PNPLA4: variants seen among roughly 807,000 people sequenced by gnomAD.
The protein encoded by PNPLA4 is patatin-like phospholipase domain-containing protein 4.
A neutral mutation model predicts 18.3 loss-of-function variants in PNPLA4; 15 were observed. The observed-to-expected ratio is 0.82, with a 90% CI of 0.55 to 1.26. PNPLA4 has a LOEUF of 1.26. Ranked by LOEUF, PNPLA4 falls within the 50% of genes most tolerant of loss-of-function variation. The probability of loss-of-function intolerance (pLI) is 0.00; values close to 1 mark genes in which losing one functional copy is unlikely to be tolerated. For missense variants in PNPLA4, 229 were observed against 196.8 expected (o/e 1.16, Z -0.98); for synonymous variants, 88 against 85.6 (o/e 1.03, Z -0.16).
chrX:7,902,871 G>C (rs1253064535), intron 5 of PNPLA4, among the ~76,000 whole-genome samples: 1 of 111,926 alleles, frequency 8.9e-6, no homozygotes, highest in Non-Finnish European at 1.9e-5. Context: ...GAACCACACA[G>C]ACAATATTCC....
At position 7,922,087 on chromosome X, in the gene PNPLA4, T is replaced by C; in HGVS notation, c.192A>G (p.Gln64=). The C allele has an allele frequency of 8.4e-7, 1 of 1,191,051 alleles. No individual in the cohort carries two copies. The change falls in exon 3 of 7, where the codon CAA becomes CAG. Residue 64 remains glutamine (Q), a synonymous_variant. Transcript: ENST00000381042. ...TAPEKIEECN[Q]FTYKFAEEIR... Reference sequence around the variant, plus strand: ...TTTCTTCGGCAAACTTGTAGGTAAATTGGTTACATTCCTAAAAAAAGAAAA... The same window carrying C: ...TTTCTTCGGCAAACTTGTAGGTAAACTGGTTACATTCCTAAAAAAAGAAAA...
chrX:7,899,442 A>G lies in PNPLA4; in HGVS notation c.*1244T>C, dbSNP rs1157770830. 9.0e-6 allele frequency: 1 copy of G among 110,677 alleles called. No individual in the cohort carries two copies. The allele number at this position is 110,677 out of a possible 1,213,427, so 9.1% of individuals were successfully genotyped here. A position where few individuals can be genotyped will look rare whatever the true frequency, so the allele number is the denominator to read the frequency against. ...TCAAAGTGATGGACAACTACTCAGA[A>G]AGTAAAAAACCTGGGATCAGTACAA... is the stretch of plus-strand genomic sequence containing the variant. On this transcript the variant is annotated 3_prime_UTR_variant, in exon 7 of 7. Coordinates refer to ENST00000381042, the MANE Select transcript of PNPLA4 (RefSeq NM_004650.3).
intron 5 of PNPLA4, among the ~76,000 whole-genome samples, chrX:7,909,774 A>G (rs1045062537): frequency 4.5e-5 from 5 of 110,717 alleles, no homozygotes; most frequent in African/African-American, 1.6e-4. Context: ...ATGGAAAGAT[A>G]TACAACTTTC....
At chrX:7,913,690 G>A (rs1235550724) in intron 4 of PNPLA4, among the ~76,000 whole-genome samples, 2 of 112,929 alleles carry the variant, frequency 1.8e-5, no homozygotes, top group Admixed American at 9.3e-5. Context: ...CAGAAAGTAT[G>A]GAGAATATTA....
intron 5 of PNPLA4, among the ~76,000 whole-genome samples, chrX:7,911,424 C>T (rs1051674038): frequency 4.7e-5 from 5 of 105,679 alleles, no homozygotes; most frequent in Non-Finnish European, 7.9e-5. Context: ...CAGAAGGAAG[C>T]TGGGTCACAG....
intron 4 of PNPLA4, among the ~76,000 whole-genome samples, chrX:7,918,786 A>G (rs1380587004): frequency 4.5e-5 from 5 of 111,427 alleles, no homozygotes; most frequent in Non-Finnish European, 9.4e-5. Context: ...ACCGGAACAT[A>G]TATACTTGAT....
intron 5 of PNPLA4, among the ~76,000 whole-genome samples, chrX:7,904,052 T>A (rs1219134291): frequency 9.0e-6 from 1 of 111,697 alleles, no homozygotes; most frequent in Non-Finnish European, 1.9e-5. Context: ...ACCTGCTTTT[T>A]TTCCCTGATT....
chrX:7,906,090 A>G (rs765359016), intron 5 of PNPLA4, among the ~76,000 whole-genome samples: 98 of 112,295 alleles, frequency 8.7e-4, no homozygotes, highest in African/African-American at 3.1e-3. Flanking sequence ...CTGAGGGGTG[A>G]GAAAGAAGTA....
At chrX:7,925,739 A>T (rs1924372500) in intron 2 of PNPLA4, among the ~76,000 whole-genome samples, 1 of 112,435 alleles carries the variant, frequency 8.9e-6, no homozygotes, top group Admixed American at 9.4e-5. Flanking sequence ...TCCTTATTTC[A>T]CTATCACCCA....
chrX:7,902,188 T>C (rs1289231602), intron 5 of PNPLA4, 47 bp from the exon 6 acceptor site: 1 of 1,123,970 alleles, frequency 8.9e-7, no homozygotes, highest in South Asian at 2.1e-5. Context: ...CAACACATCC[T>C]GCACAAAGAA....
intron 5 of PNPLA4, among the ~76,000 whole-genome samples, chrX:7,910,370 A>G (rs1923835656): frequency 9.0e-6 from 1 of 111,283 alleles, no homozygotes; most frequent in Non-Finnish European, 1.9e-5. Context: ...TTGAGAGACC[A>G]TCAATTCCTT....
chrX:7,913,393 G>A (rs980235275), intron 4 of PNPLA4, among the ~76,000 whole-genome samples: 1 of 112,134 alleles, frequency 8.9e-6, no homozygotes, highest in Non-Finnish European at 1.9e-5. Flanking sequence ...AAAGAAGGTT[G>A]CCCAGTGCTG....
intron 4 of PNPLA4, among the ~76,000 whole-genome samples, chrX:7,914,102 GTTTA>G (rs1569105681): frequency 8.9e-6 from 1 of 112,070 alleles, no homozygotes; most frequent in Admixed American, 9.5e-5. Flanking sequence ...TTATGTGCTT[GTTTA>G]TTTATTTATT....
intron 6 of PNPLA4, 68 bp downstream of exon 6, chrX:7,901,921 A>T: frequency 9.4e-7 from 1 of 1,059,778 alleles, no homozygotes; most frequent in Non-Finnish European, 1.3e-6. Context: ...CTTGGGAAAC[A>T]CGTTGAATTC....
intron 1 of PNPLA4, among the ~76,000 whole-genome samples, chrX:7,927,081 G>A (rs1448784108): frequency 8.8e-6 from 1 of 113,234 alleles, no homozygotes; most frequent in Non-Finnish European, 1.9e-5. Context: ...CTGAGTCCCA[G>A]TCATCGATCC....
At chrX:7,904,714 A>G (rs1382299978) in intron 5 of PNPLA4, among the ~76,000 whole-genome samples, 1 of 112,400 alleles carries the variant, frequency 8.9e-6, no homozygotes, top group Middle Eastern at 4.2e-3. Context: ...CTGCCCATGA[A>G]TTCTCTGGCT....
At chrX:7,923,323 C>T (rs1311946435) in intron 2 of PNPLA4, among the ~76,000 whole-genome samples, 1 of 111,570 alleles carries the variant, frequency 9.0e-6, no homozygotes, top group Non-Finnish European at 1.9e-5. Context: ...AGATGCTGTG[C>T]TTATGGCTTT....
At chrX:7,913,889 A>G (rs1423298751) in intron 4 of PNPLA4, among the ~76,000 whole-genome samples, 5 of 112,451 alleles carry the variant, frequency 4.4e-5, no homozygotes, top group Non-Finnish European at 9.4e-5. Flanking sequence ...CGTGGTTGAG[A>G]CTGTCCCCAG....
At chrX:7,923,481 A>G (rs1924298160) in intron 2 of PNPLA4, among the ~76,000 whole-genome samples, 1 of 111,841 alleles carries the variant, frequency 8.9e-6, no homozygotes, top group South Asian at 3.8e-4. Flanking sequence ...TTTAGACTTA[A>G]GACCGCCAGA....
Sources: allele counts gnomAD v4.1 joint callset (sites outside exome capture counted in the v4.1 genomes callset), GRCh38; gene constraint gnomAD v4.1.1; transcripts MANE v1.5; gene names NCBI Gene and HGNC (gene_info 2026-07-23, HGNC 2026-07-21).